PLA2G4A: variants seen among roughly 807,000 people sequenced by gnomAD.
PLA2G4A encodes cytosolic phospholipase A2.
PLA2G4A carries 40 observed loss-of-function variants against 81.9 expected under a neutral mutation model. The ratio of observed to expected loss-of-function variants is 0.49; its 90% confidence interval spans 0.38 to 0.64. The LOEUF (loss-of-function observed/expected upper bound fraction) is 0.64. Among genes scored for constraint, PLA2G4A ranks in the 30% least tolerant of loss-of-function variants. The pLI is 0.00. For missense variants in PLA2G4A, 715 were observed against 905.1 expected (o/e 0.79, Z 2.69); for synonymous variants, 302 against 296.9 (o/e 1.02, Z -0.18).
intron 5 of PLA2G4A, among the ~76,000 whole-genome samples, chr1:186,903,225 G>T (rs1043319412): frequency 6.6e-6 from 1 of 151,870 alleles, no homozygotes; most frequent in Non-Finnish European, 1.5e-5. Context: ...ATGATTAATT[G>T]CTGTTTGTTT....
chr1:186,983,943 A>G (rs1657810588), intron 17 of PLA2G4A, among the ~76,000 whole-genome samples: 1 of 152,224 alleles, frequency 6.6e-6, no homozygotes, highest in Non-Finnish European at 1.5e-5. Flanking sequence ...TAAGTAGAAT[A>G]ATATAACTTA....
At chr1:186,960,954 C>T (rs2102267835) in intron 14 of PLA2G4A, among the ~76,000 whole-genome samples, 1 of 152,224 alleles carries the variant, frequency 6.6e-6, no homozygotes, top group South Asian at 2.1e-4. Context: ...GTATATGAGA[C>T]ATCAGTTTAT....
chr1:186,893,864 C>T (rs1027405207), intron 4 of PLA2G4A, among the ~76,000 whole-genome samples: 5 of 145,504 alleles, frequency 3.4e-5, no homozygotes, highest in Admixed American at 2.9e-4. Context: ...GTGGAGGTTG[C>T]AGTGAGCCGA....
intron 7 of PLA2G4A, among the ~76,000 whole-genome samples, chr1:186,918,733 G>A (rs570927754): frequency 2.6e-5 from 4 of 152,350 alleles, no homozygotes; most frequent in South Asian, 2.1e-4. Flanking sequence ...GAGCAGGGTG[G>A]TGGGATTTAG....
At chr1:186,867,497 G>A (rs1483544938) in intron 2 of PLA2G4A, among the ~76,000 whole-genome samples, 5 of 43,192 alleles carry the variant, frequency 1.2e-4, no homozygotes, top group Admixed American at 7.6e-4. Context: ...CAAAGTCTAC[G>A]TGTTCATTTC....
At chr1:186,915,392 C>T (rs756636112) in intron 7 of PLA2G4A, among the ~76,000 whole-genome samples, 5 of 152,108 alleles carry the variant, frequency 3.3e-5, no homozygotes, top group Non-Finnish European at 5.9e-5. Context: ...CTGTATGATT[C>T]GGTTGATCAT....
intron 5 of PLA2G4A, among the ~76,000 whole-genome samples, chr1:186,905,878 A>T (rs1654719503): frequency 4.6e-5 from 7 of 152,208 alleles, no homozygotes; most frequent in Admixed American, 4.6e-4. Flanking sequence ...TTACTCATAA[A>T]ATTCAGCACT....
chr1:186,939,884 G>T (rs1461317213), intron 9 of PLA2G4A, 96 bp from the exon 10 acceptor site: 2 of 701,352 alleles, frequency 2.9e-6, no homozygotes, highest in African/African-American at 1.8e-5. Context: ...TTATTATAAA[G>T]TTATAAGATT....
rs193286180 is a variant in PLA2G4A at position 186,938,804 on chromosome 1, C to T, written c.696-204C>T. ...TGAAAGTTCAGTGTTTCCTCTGACA[C>T]CTCTTTTTTTCTTTACCTTCATGGT... On this transcript the variant is annotated intron_variant, in intron 8 of 17. Coordinates refer to ENST00000367466, the MANE Select transcript of PLA2G4A (RefSeq NM_024420.3). 5.0e-4 allele frequency among the ~76,000 whole-genome samples: 76 copies of T among 152,266 alleles called. 1 individual carries two copies. Among genetic ancestry groups the T allele is most frequent in the Non-Finnish European group, 7.4e-5 (5 of 68,012 alleles).
chr1:186,870,744 C>A, intron 3 of PLA2G4A: 2 of 1,535,340 alleles, frequency 1.3e-6, no homozygotes, highest in Non-Finnish European at 1.8e-6. Context: ...TGGTGACATG[C>A]GTAAGAGTGC....
At chr1:186,932,283 C>A (rs1407345891) in intron 7 of PLA2G4A, among the ~76,000 whole-genome samples, 1 of 139,582 alleles carries the variant, frequency 7.2e-6, no homozygotes, top group African/African-American at 2.6e-5. Context: ...ATGAAACATT[C>A]TTTTCTTTTT....
intron 1 of PLA2G4A, among the ~76,000 whole-genome samples, chr1:186,837,484 C>T (rs979833007): frequency 6.6e-6 from 1 of 151,670 alleles, no homozygotes; most frequent in Admixed American, 6.6e-5. Flanking sequence ...AATCACAGCA[C>T]TTTGGGAGGC....
intron 17 of PLA2G4A, among the ~76,000 whole-genome samples, chr1:186,982,919 A>C (rs976946716): frequency 6.6e-6 from 1 of 152,060 alleles, no homozygotes; most frequent in Non-Finnish European, 1.5e-5. Context: ...TCTACTAAAA[A>C]TACAAAAAAG....
intron 5 of PLA2G4A, among the ~76,000 whole-genome samples, chr1:186,898,629 G>T (rs56008205): frequency 3.3e-5 from 5 of 152,080 alleles, no homozygotes; most frequent in African/African-American, 4.8e-5. Context: ...CCTCTCTAAA[G>T]CATTATTATT....
intron 3 of PLA2G4A, among the ~76,000 whole-genome samples, chr1:186,880,197 G>T (rs1277320402): frequency 6.6e-6 from 1 of 151,944 alleles, no homozygotes; most frequent in Non-Finnish European, 1.5e-5. Context: ...GAAAAATGCT[G>T]CCAATAAGAG....
intron 7 of PLA2G4A, among the ~76,000 whole-genome samples, chr1:186,928,312 A>G (rs1655621604): frequency 6.6e-6 from 1 of 152,150 alleles, no homozygotes. Context: ...AGCAATGGAG[A>G]AGCATATAAG....
intron 3 of PLA2G4A, among the ~76,000 whole-genome samples, chr1:186,890,772 T>G (rs935593202): frequency 8.6e-5 from 13 of 150,940 alleles, no homozygotes; most frequent in African/African-American, 3.2e-4. Flanking sequence ...GAAAATTGCT[T>G]GAACCAGGAG....
intron 8 of PLA2G4A, among the ~76,000 whole-genome samples, chr1:186,935,340 G>A (rs1168284579): frequency 6.6e-6 from 1 of 151,218 alleles, no homozygotes; most frequent in Non-Finnish European, 1.5e-5. Flanking sequence ...CAAGTACTTT[G>A]TTTGGAAAGG....
intron 6 of PLA2G4A, 30 bp from the exon 7 acceptor site, chr1:186,911,218 G>T (rs770898439): frequency 1.9e-6 from 3 of 1,608,170 alleles, no homozygotes; most frequent in Admixed American, 1.7e-5. Flanking sequence ...GGGAGCACTG[G>T]CTCATGACTT....
Sources: gnomAD v4.1 joint callset for allele counts (sites outside exome capture counted in the v4.1 genomes callset) on GRCh38, gnomAD v4.1.1 for gene constraint, MANE v1.5 for transcripts, NCBI Gene and HGNC (gene_info 2026-07-23, HGNC 2026-07-21) for gene names.